The following VRK2 variants were observed in gnomAD, a reference collection of about 807,000 sequenced individuals.
VRK2 encodes the protein serine/threonine-protein kinase VRK2.
A neutral mutation model predicts 57.6 loss-of-function variants in VRK2; 60 were observed. The ratio of observed to expected loss-of-function variants is 1.04; its 90% CI spans 0.85 to 1.29. The LOEUF is 1.29. VRK2 is among the 50% of genes most tolerant of loss of function. The pLI is 0.00. For synonymous variants in VRK2, 231 were observed against 199.2 expected (o/e 1.16, Z -1.35); for missense variants, 705 against 588.1 (o/e 1.20, Z -2.06).
intron 1 of VRK2, among the ~76,000 whole-genome samples, chr2:57,941,910 T>C (rs1432961568): frequency 6.6e-6 from 1 of 152,226 alleles, no homozygotes; most frequent in Non-Finnish European, 1.5e-5. Flanking sequence ...ATAGTTTGCA[T>C]TGTATTTCTA....
chr2:58,027,993 C>G (rs79973758), intron 2 of VRK2, among the ~76,000 whole-genome samples: 179 of 152,258 alleles, frequency 1.2e-3, no homozygotes, highest in African/African-American at 4.1e-3. Context: ...AGGAGAAAGA[C>G]CACAGCCTAG....
At chr2:58,046,788 T>C (rs775383966), upstream of VRK2, 50 of 985,568 alleles carry the variant, frequency 5.1e-5, no homozygotes, top group Admixed American at 5.5e-4. Context: ...CGCGGGACTG[T>C]AGGCCCGGGG....
chr2:58,056,996 G>A (rs372553919), intron 2 of VRK2, among the ~76,000 whole-genome samples: 3 of 152,082 alleles, frequency 2.0e-5, no homozygotes, highest in African/African-American at 4.8e-5. Flanking sequence ...TCTTTGTTCC[G>A]ATGGTGTGCT....
At chr2:58,049,469 T>A (rs1434096466) in intron 2 of VRK2, among the ~76,000 whole-genome samples, 2 of 152,176 alleles carry the variant, frequency 1.3e-5, no homozygotes, top group African/African-American at 2.4e-5. Context: ...CCTAGGGATG[T>A]GCCATTCTTG....
chr2:57,930,970 G>A (rs1040746439), intron 1 of VRK2, among the ~76,000 whole-genome samples: 2 of 151,862 alleles, frequency 1.3e-5, no homozygotes, highest in Non-Finnish European at 2.9e-5. Context: ...TACATGTACT[G>A]AGTATTTTTA....
At chr2:58,066,655 T>G (rs1668650610) in intron 2 of VRK2, among the ~76,000 whole-genome samples, 1 of 152,172 alleles carries the variant, frequency 6.6e-6, no homozygotes, top group Non-Finnish European at 1.5e-5. Context: ...GTGTTACTCA[T>G]TTTTAAAATG....
intron 7 of VRK2, among the ~76,000 whole-genome samples, chr2:58,089,980 T>G (rs1055717468): frequency 6.6e-6 from 1 of 152,166 alleles, no homozygotes; most frequent in Non-Finnish European, 1.5e-5. Context: ...GAATTTGAAT[T>G]TCTGAGCAAA....
rs60379025 is a variant in VRK2, at chr2:58,151,731, GTTTTTTTTTTTTT to G, written c.1182+5281_1182+5293del. On this transcript the variant is annotated intron_variant, in intron 12 of 12. Transcript: ENST00000340157. ...TTTTTTTAACTATGCTTCTATGCTT[GTTTTTTTTTTTTT>G]TTTTTTTTTTTTTTTTTTTTTTTGG... Among the ~76,000 whole-genome samples the G allele has an allele frequency of 6.0e-4, 10 of 16,720 alleles. No individual in the cohort carries two copies. The East Asian group carries it at 8.1e-3, about 13-fold the overall frequency. The allele number at this position is 16,720 out of a possible 152,430, so 11.0% of individuals were successfully genotyped here.
At chr2:58,001,992 G>T (rs916533556) in intron 1 of VRK2, among the ~76,000 whole-genome samples, 7 of 152,038 alleles carry the variant, frequency 4.6e-5, no homozygotes, top group African/African-American at 1.7e-4. Context: ...AATTCTGTCA[G>T]ATTACAAATT....
chr2:58,123,361 C>G, intron 8 of VRK2, 128 bp downstream of exon 8: 1 of 1,115,654 alleles, frequency 9.0e-7, no homozygotes, highest in Non-Finnish European at 1.2e-6. Context: ...AGGTTTTTAT[C>G]AAAAGTAATG....
intron 3 of VRK2, among the ~76,000 whole-genome samples, chr2:58,035,651 A>G (rs1051651978): frequency 6.6e-6 from 1 of 152,014 alleles, no homozygotes; most frequent in African/African-American, 2.4e-5. Flanking sequence ...CCCTTATCCA[A>G]TCAATTCAAC....
chr2:57,910,633 G>C (rs1158199011), intron 1 of VRK2, among the ~76,000 whole-genome samples: 1 of 152,026 alleles, frequency 6.6e-6, no homozygotes, highest in Non-Finnish European at 1.5e-5. Flanking sequence ...AACCTTATAG[G>C]ACTGAGGGAA....
At position 58,159,869 on chromosome 2, in the gene VRK2, A is replaced by C; in HGVS notation, c.*176A>C. On this transcript the variant is annotated 3_prime_UTR_variant, in exon 13 of 13. Coordinates refer to ENST00000340157, the MANE Select transcript of VRK2 (RefSeq NM_006296.7). ...AAAAAATAAAATTGCTTTGTACTAG[A>C]AATAGTGTCATAGAATAGTGTCATA... 4.4e-6 allele frequency: 7 copies of C among 1,598,550 alleles called. No homozygotes were observed. Among genetic ancestry groups the C allele is most frequent in the Non-Finnish European group, 6.0e-6 (7 of 1,173,300 alleles).
At chr2:57,942,041 C>T (rs1175183654) in intron 1 of VRK2, among the ~76,000 whole-genome samples, 1 of 152,180 alleles carries the variant, frequency 6.6e-6, no homozygotes, top group East Asian at 1.9e-4. Flanking sequence ...GATGGGCCTT[C>T]AGTTAAACTA....
At chr2:58,115,391 G>A (rs1022432885) in intron 7 of VRK2, among the ~76,000 whole-genome samples, 11 of 152,276 alleles carry the variant, frequency 7.2e-5, no homozygotes, top group African/African-American at 1.9e-4. Flanking sequence ...AAGTATATGC[G>A]TCAGGTATGA....
At chr2:58,039,755 G>A (rs116243642) in intron 3 of VRK2, among the ~76,000 whole-genome samples, 370 of 151,878 alleles carry the variant, frequency 2.4e-3, no homozygotes, top group African/African-American at 7.5e-3. Context: ...AACCTTTTAC[G>A]GGATAAAAAA....
chr2:58,019,204 C>A (rs541653277), intron 1 of VRK2, among the ~76,000 whole-genome samples: 1 of 152,224 alleles, frequency 6.6e-6, no homozygotes, highest in African/African-American at 2.4e-5. Flanking sequence ...AACATTAGAA[C>A]AATAAGGAGA....
intron 4 of VRK2, among the ~76,000 whole-genome samples, chr2:58,085,630 A>G (rs1239197634): frequency 6.6e-6 from 1 of 152,018 alleles, no homozygotes; most frequent in East Asian, 1.9e-4. Context: ...AATAAGAGTG[A>G]TGGGTCTGAC....
At chr2:58,112,966 T>G (rs942386346) in intron 7 of VRK2, among the ~76,000 whole-genome samples, 9 of 152,196 alleles carry the variant, frequency 5.9e-5, no homozygotes, top group African/African-American at 2.2e-4. Context: ...CTTTGGTGAC[T>G]AATCTTTCCT....
Sources: allele counts gnomAD v4.1 joint callset (sites outside exome capture counted in the v4.1 genomes callset), GRCh38; gene constraint gnomAD v4.1.1; transcripts MANE v1.5; gene names NCBI Gene and HGNC (gene_info 2026-07-23, HGNC 2026-07-21).